Variants in ACAN observed in about 807,000 individuals in gnomAD.
ACAN encodes the protein aggrecan.
A neutral mutation model predicts 169.1 loss-of-function variants in ACAN; 47 were observed. That is an observed-to-expected ratio of 0.28 (90% confidence interval 0.22 to 0.35). The LOEUF (loss-of-function observed/expected upper bound fraction) is 0.35. ACAN is among the 10% of genes least tolerant of loss of function. The probability of loss-of-function intolerance (pLI) is 1.00; values close to 1 mark genes in which losing one functional copy is unlikely to be tolerated. For missense variants in ACAN, 2,716 were observed against 2,759.9 expected (o/e 0.98, Z 0.36); for synonymous variants, 1,115 against 1,112.2 (o/e 1.00, Z -0.05).
In ACAN at chr15:88,870,008, T is replaced by C. The variant is rs1306537017; in HGVS notation, c.7061-1374T>C. 6.6e-6 allele frequency among the ~76,000 whole-genome samples: 1 copy of C among 152,116 alleles called. No homozygotes were observed. The highest frequency in any genetic ancestry group is 1.5e-5 in the Non-Finnish European group (1 of 68,020). Reference sequence around the variant, plus strand: ...ACCCCCTAAGTCAGCCCTAAGATGATATCTCTGGCCTCTTCAGAGTGCTGA... The same window carrying C: ...ACCCCCTAAGTCAGCCCTAAGATGACATCTCTGGCCTCTTCAGAGTGCTGA... On this transcript the variant is annotated intron_variant, in intron 14 of 18. Coordinates refer to ENST00000560601, the MANE Select transcript of ACAN (RefSeq NM_001369268.1). The surrounding 1 kb of genome is among the most constrained non-coding windows in gnomAD (Gnocchi z 6.3).
chr15:88,833,023 C>T (rs1277212373), intron 1 of ACAN, among the ~76,000 whole-genome samples: 3 of 152,208 alleles, frequency 2.0e-5, no homozygotes, highest in Admixed American at 1.3e-4. Flanking sequence ...CGTCCACCCA[C>T]GTCGAGGAGG....
At chr15:88,841,681 A>G (rs940377005) in intron 4 of ACAN, 59 bp from the exon 5 acceptor site, 15 of 1,599,440 alleles carry the variant, frequency 9.4e-6, no homozygotes, top group Non-Finnish European at 1.3e-5. Flanking sequence ...TCAAAGGCAG[A>G]GGCCATGGGC....
At chr15:88,863,911 C>A (rs1897242536) in intron 13 of ACAN, among the ~76,000 whole-genome samples, 1 of 152,250 alleles carries the variant, frequency 6.6e-6, no homozygotes, top group African/African-American at 2.4e-5. Context: ...GTGGTGCACA[C>A]CTGTAATCCC....
chr15:88,847,814 T>C, intron 8 of ACAN, 97 bp from the exon 9 acceptor site: 1 of 1,438,914 alleles, frequency 6.9e-7, no homozygotes, highest in Non-Finnish European at 9.3e-7. Context: ...TGAAGACATC[T>C]CCAAGTCCCT....
At chr15:88,808,214 G>T (rs1426592250) in intron 1 of ACAN, among the ~76,000 whole-genome samples, 4 of 152,164 alleles carry the variant, frequency 2.6e-5, no homozygotes, top group African/African-American at 7.2e-5. Context: ...GGCCTGTGAT[G>T]GTCCTCATTT....
intron 13 of ACAN, among the ~76,000 whole-genome samples, chr15:88,867,937 T>A (rs1434905813): frequency 6.6e-6 from 1 of 152,236 alleles, no homozygotes; most frequent in African/African-American, 2.4e-5. Context: ...TTTAGACCTA[T>A]CAGATCTCTT....
intron 1 of ACAN, among the ~76,000 whole-genome samples, chr15:88,833,986 G>T (rs1270987552): frequency 6.6e-6 from 1 of 152,200 alleles, no homozygotes; most frequent in African/African-American, 2.4e-5. Flanking sequence ...GAGCCGGAAA[G>T]TCTAGACCCC....
At chr15:88,830,787 A>G (rs1037520139) in intron 1 of ACAN, among the ~76,000 whole-genome samples, 2 of 152,198 alleles carry the variant, frequency 1.3e-5, no homozygotes, top group Non-Finnish European at 2.9e-5. Flanking sequence ...ATTATTGTAC[A>G]CTGGTGTAGG....
In ACAN at chr15:88,840,053, C is replaced by A; in HGVS notation, c.496C>A (p.Leu166Ile). 1 of 1,603,068 alleles carries A rather than the reference C, an allele frequency of 6.2e-7. No individual in the cohort carries two copies. Among genetic ancestry groups the A allele is most frequent in the East Asian group, 2.2e-5 (1 of 44,474 alleles). ...HYRAISTRYT[L>I]DFDRAQRACL... The stretch of plus-strand genomic sequence containing the variant: ...CAGAGCCATCTCTACACGCTACACC[C>A]TCGACTTTGACAGGGCGCAGCGGGC... The change falls in exon 4 of 19, where the codon CTC (leucine) becomes ATC (isoleucine). Residue 166 changes from leucine to isoleucine, a missense_variant. Coordinates refer to ENST00000560601, the MANE Select transcript of ACAN (RefSeq NM_001369268.1).
chr15:88,831,066 G>C (rs908877800), intron 1 of ACAN, among the ~76,000 whole-genome samples: 2 of 152,158 alleles, frequency 1.3e-5, no homozygotes, highest in Non-Finnish European at 2.9e-5. Context: ...AAAAGAAGAA[G>C]TCTCACCTCG....
In ACAN at chr15:88,849,435, C is replaced by CA. The variant is rs1896876247; in HGVS notation, c.1733-2dup. 1 of 1,579,846 alleles carries CA rather than the reference C, an allele frequency of 6.3e-7. No individual in the cohort carries two copies. On this transcript the variant is annotated splice_polypyrimidine_tract_variant and splice_region_variant and intron_variant, in intron 9 of 18. Coordinates refer to ENST00000560601, the MANE Select transcript of ACAN (RefSeq NM_001369268.1). This position sits in a 1 kb window ranked among gnomAD's most constrained non-coding sequence, Gnocchi z 5.1. ...ATATTCTACCCCTTGCCTCTGCCCC[C>CA]AGGGGAGGTGTTCTTCGCCACACGC...
At chr15:88,860,676 A>G (rs968710773) in intron 13 of ACAN, among the ~76,000 whole-genome samples, 3 of 152,242 alleles carry the variant, frequency 2.0e-5, no homozygotes, top group African/African-American at 7.2e-5. Flanking sequence ...GTATTTTTAT[A>G]TCAGGCTGAT....
At chr15:88,848,130 A>G in intron 9 of ACAN, 92 bp downstream of exon 9, 1 of 1,509,378 alleles carries the variant, frequency 6.6e-7, no homozygotes, top group East Asian at 2.3e-5. Context: ...GGGGGTTACC[A>G]CCCACCCACC....
chr15:88,860,344 C>G lies in ACAN; in HGVS notation c.6851C>G (p.Ala2284Gly). 1 of 1,612,554 alleles carries G rather than the reference C, an allele frequency of 6.2e-7. No homozygotes were observed. The highest frequency in any genetic ancestry group is 8.5e-7 in the Non-Finnish European group (1 of 1,179,550). Residue 2284 changes from alanine (A) to glycine (G), a missense_variant, in exon 13 of 19, where the codon GCA becomes GGA. Coordinates refer to ENST00000560601, the MANE Select transcript of ACAN (RefSeq NM_001369268.1). ...STAAAPARSC[A>G]EEPCGAGTCK... Reference sequence around the variant, plus strand: ...GTTGCAGCCCCCGCCAGGTCCTGTGCAGAGGAGCCCTGTGGAGCTGGGACC... The same window carrying G: ...GTTGCAGCCCCCGCCAGGTCCTGTGGAGAGGAGCCCTGTGGAGCTGGGACC...
intron 1 of ACAN, among the ~76,000 whole-genome samples, chr15:88,815,390 C>T (rs1895913374): frequency 6.6e-6 from 1 of 151,932 alleles, no homozygotes; most frequent in Non-Finnish European, 1.5e-5. Context: ...GAAACCTCGT[C>T]TCTACTAAAA....
At chr15:88,812,104 G>A (rs1895835560) in intron 1 of ACAN, among the ~76,000 whole-genome samples, 2 of 152,150 alleles carry the variant, frequency 1.3e-5, no homozygotes, top group South Asian at 4.1e-4. Flanking sequence ...CTTCATTAGC[G>A]AAGGAGGAGC....
At chr15:88,818,959 T>G (rs556351420) in intron 1 of ACAN, among the ~76,000 whole-genome samples, 4 of 152,376 alleles carry the variant, frequency 2.6e-5, no homozygotes, top group African/African-American at 9.6e-5. Context: ...ATAATCAATT[T>G]TTTAAAGTAA....
In ACAN at chr15:88,866,124, C is replaced by T. The variant is rs993005985; in HGVS notation, c.6947-2092C>T. On this transcript the variant is annotated intron_variant, in intron 13 of 18. Transcript: ENST00000560601. This position sits in a 1 kb window ranked among gnomAD's most constrained non-coding sequence, Gnocchi z 5.6. ...ACGCTCCCCCTCACCCCAACTTGGGCAGCCTGGGAGCAGGTTTTATGCGAC... is the reference window on the plus strand; with the variant it reads ...ACGCTCCCCCTCACCCCAACTTGGGTAGCCTGGGAGCAGGTTTTATGCGAC... Among the ~76,000 whole-genome samples the T allele has an allele frequency of 6.6e-6, 1 of 152,190 alleles. No individual in the cohort carries two copies. The highest frequency in any genetic ancestry group is 6.5e-5 in the Admixed American group (1 of 15,278).
chr15:88,857,555 C>T lies in ACAN; in HGVS notation c.4970C>T (p.Pro1657Leu). 1.9e-6 allele frequency: 3 copies of T among 1,613,980 alleles called. No homozygotes were observed. Among genetic ancestry groups the T allele is most frequent in the East Asian group, 4.5e-5 (2 of 44,892 alleles). ...PDFSGLPSGF[P>L]TVSLVDSTLV... ...TTTAGTGGACTTCCATCTGGATTCC[C>T]AACTGTTTCCCTAGTGGATTCTACA... Residue 1657 changes from proline (P) to leucine (L), a missense_variant, in exon 12 of 19, where the codon CCA (proline) becomes CTA (leucine). Physicochemically the swap from Pro to Leu is moderately conservative, Grantham distance 98. This residue lies in a region of ACAN where 1,389 missense variants were observed against 1,363.7 expected (regional missense o/e 1.02). Coordinates refer to ENST00000560601, the MANE Select transcript of ACAN (RefSeq NM_001369268.1).
Sources: allele counts gnomAD v4.1 joint callset (sites outside exome capture counted in the v4.1 genomes callset), GRCh38; gene constraint gnomAD v4.1.1; regional missense constraint gnomAD v4.1.1; non-coding constraint Gnocchi (gnomAD v3.1); transcripts MANE v1.5; gene names NCBI Gene and HGNC (gene_info 2026-07-23, HGNC 2026-07-21).